NAV2: variants seen among roughly 807,000 people sequenced by gnomAD.
NAV2 encodes the protein helicase, APC down-regulated 1.
In NAV2, 54 loss-of-function variants were observed where a neutral mutation model predicts 223.2. The observed-to-expected ratio is 0.24, with a 90% CI of 0.19 to 0.30. The LOEUF (loss-of-function observed/expected upper bound fraction) is 0.30. Among genes scored for constraint, NAV2 ranks in the 10% least tolerant of loss-of-function variants. The pLI is 1.00. For missense variants in NAV2, 2,806 were observed against 3,147.5 expected (o/e 0.89, Z 2.60); for synonymous variants, 1,279 against 1,239.3 (o/e 1.03, Z -0.67).
At position 19,933,481 on chromosome 11, in the gene NAV2, G is replaced by A. The variant is rs749299835; in HGVS notation, c.1237G>A (p.Gly413Ser). Reference protein sequence around the residue: ...EKLKLFNSKGGSKAGEGPGSR... With the variant: ...EKLKLFNSKGSSKAGEGPGSR... ...GCTGAAACTTTTCAACAGTAAAGGG[G>A]GCTCAAAGGCAGGTGAGGGGCCGGG... Residue 413 changes from glycine (G) to serine (S), a missense_variant, in exon 7 of 38, where the codon GGC becomes AGC. Physicochemically the swap from Gly to Ser is moderately conservative, Grantham distance 56. Coordinates refer to ENST00000349880, the MANE Select transcript of NAV2 (RefSeq NM_145117.5). This position sits in a 1 kb window ranked among gnomAD's most constrained non-coding sequence, Gnocchi z 4.3. 6 of 1,610,780 alleles carry A rather than the reference G, an allele frequency of 3.7e-6. No individual in the cohort carries two copies. The highest frequency in any genetic ancestry group is 5.1e-6 in the Non-Finnish European group (6 of 1,178,732).
intron 1 of NAV2, among the ~76,000 whole-genome samples, chr11:19,755,173 T>A (rs1418757392): frequency 1.3e-5 from 2 of 152,258 alleles, no homozygotes; most frequent in Non-Finnish European, 2.9e-5. Flanking sequence ...GTAGTCTCCC[T>A]GTTGTTACGT....
intron 37 of NAV2, 111 bp from the exon 38 acceptor site, chr11:20,118,022 G>A (rs1006935783): frequency 1.6e-6 from 2 of 1,248,198 alleles, no homozygotes; most frequent in Non-Finnish European, 2.2e-6. Context: ...TGCCTCCACT[G>A]TGGGCTGTTA....
chr11:19,856,280 C>G (rs1046263454), intron 3 of NAV2, among the ~76,000 whole-genome samples: 3 of 152,130 alleles, frequency 2.0e-5, no homozygotes, highest in African/African-American at 7.2e-5. Flanking sequence ...TTTGACCATG[C>G]CTCTGACATT....
chr11:19,784,691 G>A lies in NAV2; in HGVS notation c.268-47793G>A, dbSNP rs1321004305. ...AAGTATAAGAGATAGTATGGTGTCAGACAGACCTAGATTCAAATCCTGGGT... is the reference window on the plus strand; with the variant it reads ...AAGTATAAGAGATAGTATGGTGTCAAACAGACCTAGATTCAAATCCTGGGT... On this transcript the variant is annotated intron_variant, in intron 1 of 37. Coordinates refer to ENST00000349880, the MANE Select transcript of NAV2 (RefSeq NM_145117.5). Among the ~76,000 whole-genome samples the A allele has an allele frequency of 4.6e-5, 7 of 152,280 alleles. No individual in the cohort carries two copies. In the East Asian group the frequency reaches 1.4e-3, roughly 29 times the overall value.
intron 36 of NAV2, among the ~76,000 whole-genome samples, chr11:20,108,000 C>A (rs1469606398): frequency 6.6e-6 from 1 of 152,228 alleles, no homozygotes; most frequent in Non-Finnish European, 1.5e-5. Context: ...GCTGGTTAGC[C>A]TTTCTGTGCC....
intron 1 of NAV2, among the ~76,000 whole-genome samples, chr11:19,544,132 A>C (rs922771751): frequency 6.6e-6 from 1 of 152,234 alleles, no homozygotes; most frequent in Admixed American, 6.5e-5. Context: ...GGATTGCTAA[A>C]AAATTATTGA....
At chr11:19,392,266 C>T (rs2729856) in intron 1 of NAV2, among the ~76,000 whole-genome samples, 141,561 of 152,296 alleles carry the variant, frequency 0.93, 66,637 homozygotes, top group East Asian at 1. Context: ...ATGGATAGAA[C>T]AACAGTTTAT....
At chr11:19,597,372 C>G (rs2046231188) in intron 1 of NAV2, among the ~76,000 whole-genome samples, 1 of 152,302 alleles carries the variant, frequency 6.6e-6, no homozygotes, top group African/African-American at 2.4e-5. Context: ...ATAATAGCAG[C>G]CAATCTAGAA....
At position 19,991,577 on chromosome 11, in the gene NAV2, TA is replaced by T. The variant is rs374678553; in HGVS notation, c.2768+7335del. On this transcript the variant is annotated intron_variant, in intron 11 of 37. Transcript: ENST00000349880. ...AACAGCTTATAATAACTGCATTTAATAAAAAGAACAATTATAAAATAAACGA... is the reference window on the plus strand; with the variant it reads ...AACAGCTTATAATAACTGCATTTAATAAAAGAACAATTATAAAATAAACGA... Among the ~76,000 whole-genome samples, 17 of 152,266 alleles carry T rather than the reference TA, an allele frequency of 1.1e-4. No individual in the cohort carries two copies. The East Asian group carries it at 3.3e-3, about 29-fold the overall frequency.
At chr11:19,675,331 A>G (rs1189271722) in intron 1 of NAV2, among the ~76,000 whole-genome samples, 2 of 152,212 alleles carry the variant, frequency 1.3e-5, no homozygotes, top group African/African-American at 2.4e-5. Flanking sequence ...ATAAACTCCC[A>G]GTTATTTTTT....
At chr11:20,109,393 G>T (rs902566900) in intron 36 of NAV2, among the ~76,000 whole-genome samples, 26 of 152,204 alleles carry the variant, frequency 1.7e-4, no homozygotes, top group African/African-American at 6.0e-4. Context: ...AGGTATGAAT[G>T]ATTTTAGATC....
chr11:20,101,118 G>C lies in NAV2; in HGVS notation c.6363G>C (p.Arg2121=). ...AGTATATAGTGCTTCGAGAGGGACG[G>C]GAGTTGACAGACGGGGTTATCGCCA... ...LSEYIVLREG[R]ELTDGVIATF... Residue 2121 remains arginine (R), a synonymous_variant, in exon 32 of 38, where the codon CGG becomes CGC. Transcript: ENST00000349880. 3 of 1,614,140 alleles carry C rather than the reference G, an allele frequency of 1.9e-6. No individual in the cohort carries two copies. Among genetic ancestry groups the C allele is most frequent in the Non-Finnish European group, 2.5e-6 (3 of 1,180,024 alleles).
At chr11:19,552,411 T>C (rs1400570082) in intron 1 of NAV2, among the ~76,000 whole-genome samples, 1 of 152,140 alleles carries the variant, frequency 6.6e-6, no homozygotes, top group Non-Finnish European at 1.5e-5. Flanking sequence ...CCAGGGGTTG[T>C]TCCATCGGGG....
intron 1 of NAV2, among the ~76,000 whole-genome samples, chr11:19,524,088 G>C (rs769354254): frequency 1.3e-5 from 2 of 152,142 alleles, no homozygotes; most frequent in Admixed American, 1.3e-4. Context: ...TGTCCTGTTT[G>C]TTCACCTCTC....
chr11:20,112,926 G>A (rs555249225), intron 36 of NAV2, among the ~76,000 whole-genome samples: 6 of 152,302 alleles, frequency 3.9e-5, no homozygotes, highest in South Asian at 2.1e-4. Context: ...CCCTCTCCAC[G>A]GCAGGATTCG....
chr11:19,810,545 A>C (rs2058789368), intron 1 of NAV2, among the ~76,000 whole-genome samples: 1 of 152,248 alleles, frequency 6.6e-6, no homozygotes. Context: ...CTGACATGCT[A>C]TATAGATCAG....
At chr11:19,515,313 G>C (rs944279925) in intron 1 of NAV2, among the ~76,000 whole-genome samples, 4 of 152,112 alleles carry the variant, frequency 2.6e-5, no homozygotes, top group African/African-American at 9.7e-5. Flanking sequence ...ATAAAATGGG[G>C]GTTCACAGCA....
At position 20,044,178 on chromosome 11, in the gene NAV2, C is replaced by T. The variant is rs773901391; in HGVS notation, c.3105C>T (p.Gly1035=). Residue 1035 remains glycine (G), a synonymous_variant, in exon 13 of 38, where the codon GGC becomes GGT. Coordinates refer to ENST00000349880, the MANE Select transcript of NAV2 (RefSeq NM_145117.5). ...AGAATCCTGTCATCTCCCAGACAGG[C>T]TCATGGCGGCGAGGCATGACAGCTC... ...GKKNPVISQT[G]SWRRGMTAQV... is the part of the protein sequence containing the mutation. The T allele has an allele frequency of 4.3e-6, 7 of 1,614,062 alleles. No individual in the cohort carries two copies. Among genetic ancestry groups the T allele is most frequent in the Middle Eastern group, 1.6e-4 (1 of 6,084 alleles).
intron 1 of NAV2, among the ~76,000 whole-genome samples, chr11:19,820,589 T>C (rs2059318331): frequency 6.6e-6 from 1 of 152,210 alleles, no homozygotes; most frequent in African/African-American, 2.4e-5. Flanking sequence ...GAGACATATT[T>C]TGCCGTGGTG....
Sources: gnomAD v4.1 joint callset for allele counts (sites outside exome capture counted in the v4.1 genomes callset) on GRCh38, gnomAD v4.1.1 for gene constraint, Gnocchi (gnomAD v3.1) non-coding constraint, MANE v1.5 for transcripts, NCBI Gene and HGNC (gene_info 2026-07-23, HGNC 2026-07-21) for gene names.